WDR74: variants seen among roughly 807,000 people sequenced by gnomAD.
WDR74 encodes the protein WD repeat domain 74, also known as WD repeat-containing protein 74.
WDR74 carries 31 observed loss-of-function variants against 45.6 expected under a neutral mutation model. That is an observed-to-expected ratio of 0.68 (90% confidence interval 0.51 to 0.92). The LOEUF is 0.92. Among genes scored for constraint, WDR74 ranks in the 40% least tolerant of loss-of-function variants. The probability of loss-of-function intolerance (pLI) is 0.00; values close to 1 mark genes in which losing one functional copy is unlikely to be tolerated. For missense variants in WDR74, 455 were observed against 497.2 expected (o/e 0.92, Z 0.81); for synonymous variants, 191 against 192.4 (o/e 0.99, Z 0.06).
chr11:62,840,886 C>T (rs2085034881), upstream of WDR74, among the ~76,000 whole-genome samples: 1 of 152,206 alleles, frequency 6.6e-6, no homozygotes, highest in African/African-American at 2.4e-5. Context: ...AGGTTTAACA[C>T]ATCAAACGCG....
intron 3 of WDR74, 169 bp from the exon 4 acceptor site, chr11:62,836,205 GT>G: frequency 1.5e-6 from 1 of 668,284 alleles, no homozygotes; most frequent in Non-Finnish European, 2.5e-6. Flanking sequence ...TAACAGTCCA[GT>G]TTAGAAGGAA....
At chr11:62,841,080 A>G (rs2085037662), upstream of WDR74, among the ~76,000 whole-genome samples, 1 of 152,176 alleles carries the variant, frequency 6.6e-6, no homozygotes, top group African/African-American at 2.4e-5. Flanking sequence ...GCACTTTGGG[A>G]GGCTGAAGCG....
chr11:62,833,729 C>T (rs750343482), intron 9 of WDR74, 55 bp from the exon 10 acceptor site: 9 of 1,592,910 alleles, frequency 5.7e-6, no homozygotes, highest in Admixed American at 3.6e-5. Flanking sequence ...GAAACATGAA[C>T]GGAGGGCACA....
chr11:62,838,047 G>A (rs944252995), intron 3 of WDR74, among the ~76,000 whole-genome samples: 34 of 152,190 alleles, frequency 2.2e-4, no homozygotes, highest in Admixed American at 1.7e-3. Flanking sequence ...AGGCTGTAGT[G>A]AGCCATGAAT....
At position 62,833,775 on chromosome 11, in the gene WDR74, T is replaced by C. The variant is rs1412430415; in HGVS notation, c.921+17A>G. The C allele has an allele frequency of 6.2e-7, 1 of 1,611,480 alleles. No individual in the cohort carries two copies. The highest frequency in any genetic ancestry group is 1.1e-5 in the South Asian group (1 of 90,688). ...CCTCCACAAGACCATGAGTTGGAGG[T>C]GGGAGAGACAACTTACCTTATGCTC... On this transcript the variant is annotated intron_variant, in intron 9 of 10. Transcript: ENST00000278856.
intron 3 of WDR74, 138 bp downstream of exon 3, chr11:62,838,976 T>C: frequency 1.6e-6 from 2 of 1,242,502 alleles, no homozygotes; most frequent in South Asian, 2.9e-5. Flanking sequence ...ATGAACTACA[T>C]AAGGCAGAAA....
At chr11:62,835,173 T>C in intron 6 of WDR74, 2 of 475,482 alleles carry the variant, frequency 4.2e-6, no homozygotes, top group South Asian at 4.7e-5. Flanking sequence ...CTGCACCCTA[T>C]AATTCCCACA....
upstream of WDR74, chr11:62,841,476 A>C (rs191846957): frequency 6.6e-6 from 1 of 152,232 alleles, no homozygotes. Flanking sequence ...ACCTTCTCTC[A>C]ACAAGACACT....
At chr11:62,836,226 TC>T (rs2084958318) in intron 3 of WDR74, 190 bp from the exon 4 acceptor site, 2 of 590,504 alleles carry the variant, frequency 3.4e-6, no homozygotes, top group Non-Finnish European at 5.9e-6. Flanking sequence ...AGCCTCTAGG[TC>T]ACTGGGCTCT....
chr11:62,833,169 C>T (rs541190760), intron 10 of WDR74, 38 bp from the exon 11 acceptor site: 13 of 1,600,006 alleles, frequency 8.1e-6, no homozygotes, highest in African/African-American at 4.0e-5. Context: ...TCAGGGGGGC[C>T]GGGCACGGTG....
At chr11:62,837,577 T>C (rs73487824) in intron 3 of WDR74, among the ~76,000 whole-genome samples, 3,124 of 152,110 alleles carry the variant, frequency 0.021, 115 homozygotes, top group African/African-American at 0.072. Flanking sequence ...ATCCTATTTA[T>C]GTACCCTGTA....
chr11:62,841,273 T>C (rs1333026597), upstream of WDR74, among the ~76,000 whole-genome samples: 2 of 152,088 alleles, frequency 1.3e-5, no homozygotes, highest in African/African-American at 4.8e-5. Flanking sequence ...GCTGAGATCA[T>C]GCCATTGCAC....
upstream of WDR74, among the ~76,000 whole-genome samples, chr11:62,841,120 C>A (rs1016812660): frequency 4.6e-5 from 7 of 152,186 alleles, no homozygotes; most frequent in Admixed American, 6.6e-5. Flanking sequence ...AGATGGAGAC[C>A]ACCCTGGCCA....
intron 6 of WDR74, 80 bp from the exon 7 acceptor site, chr11:62,834,607 C>T (rs1400011529): frequency 4.2e-6 from 5 of 1,187,034 alleles, no homozygotes; most frequent in Non-Finnish European, 5.9e-6. Context: ...CACCCCCTCC[C>T]TGCACACTGC....
At chr11:62,835,909 AG>A (rs2084952511) in intron 4 of WDR74, 51 bp downstream of exon 4, 1 of 1,584,834 alleles carries the variant, frequency 6.3e-7, no homozygotes, top group Non-Finnish European at 8.6e-7. Flanking sequence ...CGTGATCATT[AG>A]GCACCTACCC....
intron 3 of WDR74, among the ~76,000 whole-genome samples, chr11:62,837,217 G>A (rs1180805788): frequency 6.6e-6 from 1 of 151,980 alleles, no homozygotes; most frequent in Non-Finnish European, 1.5e-5. Flanking sequence ...CCTTGGCCGG[G>A]TGCAGTGGTT....
intron 3 of WDR74, among the ~76,000 whole-genome samples, chr11:62,838,787 A>T (rs2084998794): frequency 6.6e-6 from 1 of 151,358 alleles, no homozygotes. Context: ...AAAAACAAAC[A>T]CACACACACA....
chr11:62,838,799 A>G (rs1425547023), intron 3 of WDR74, among the ~76,000 whole-genome samples: 1 of 151,982 alleles, frequency 6.6e-6, no homozygotes, highest in Non-Finnish European at 1.5e-5. Flanking sequence ...ACACACACAC[A>G]AAACTATTAA....
chr11:62,833,296 TAAAAAAAAAAA>T (rs1048706100), intron 10 of WDR74, among the ~76,000 whole-genome samples, 165 bp from the exon 11 acceptor site: 30 of 50,886 alleles, frequency 5.9e-4, no homozygotes, highest in Admixed American at 1.2e-3. Flanking sequence ...AAAAGAAGTT[TAAAAAAAAAAA>T]AAAAAAAAAA....
Sources: gnomAD v4.1 joint callset for allele counts (sites outside exome capture counted in the v4.1 genomes callset) on GRCh38, gnomAD v4.1.1 for gene constraint, MANE v1.5 for transcripts, NCBI Gene and HGNC (gene_info 2026-07-23, HGNC 2026-07-21) for gene names.